VPS13A: variants seen among roughly 807,000 people sequenced by gnomAD.
VPS13A encodes the protein intermembrane lipid transfer protein VPS13A.
In VPS13A, 264 loss-of-function variants were observed where a neutral mutation model predicts 390.9. That is an observed-to-expected ratio of 0.68 (90% CI 0.61 to 0.75). VPS13A has a LOEUF of 0.75. Among genes scored for constraint, VPS13A ranks in the 30% least tolerant of loss-of-function variants. VPS13A has a pLI of 0.00. For synonymous variants in VPS13A, 1,231 were observed against 1,227.1 expected (o/e 1.00, Z -0.07); for missense variants, 3,409 against 3,733.9 (o/e 0.91, Z 2.27).
intron 50 of VPS13A, 88 bp from the exon 51 acceptor site, chr9:77,344,065 A>T: frequency 8.0e-7 from 1 of 1,254,458 alleles, no homozygotes; most frequent in African/African-American, 1.5e-5. Flanking sequence ...TTATAGTTTA[A>T]GTCTATTCTG....
At chr9:77,283,308 A>G (rs1184890462) in intron 29 of VPS13A, 47 bp from the exon 30 acceptor site, 1 of 1,101,188 alleles carries the variant, frequency 9.1e-7, no homozygotes. Context: ...TGAGGTAACT[A>G]CTAAATGTTT....
At chr9:77,299,055 G>T (rs1828180618) in intron 33 of VPS13A, among the ~76,000 whole-genome samples, 1 of 152,152 alleles carries the variant, frequency 6.6e-6, no homozygotes, top group Admixed American at 6.5e-5. Flanking sequence ...GTTTGTCAAA[G>T]ATCAGATGGT....
In VPS13A at chr9:77,340,276, C is replaced by T; in HGVS notation, c.6873C>T (p.Asp2291=). The T allele has an allele frequency of 1.2e-6, 2 of 1,612,744 alleles. No homozygotes were observed. The highest frequency in any genetic ancestry group is 1.7e-6 in the Non-Finnish European group (2 of 1,179,264). ...TTAAATGTAAAGGCCTGAAAATGGA[C>T]TATCAAGTGAGTTCATTCTATGCTT... ...GAVKCKGLKM[D]YQVGVTIDLS... is the part of the protein sequence containing the mutation. Residue 2291 remains aspartate, a synonymous_variant, in exon 49 of 72, where the codon GAC becomes GAT. Transcript: ENST00000360280.
At chr9:77,298,627 G>C (rs1284558826) in intron 33 of VPS13A, among the ~76,000 whole-genome samples, 1 of 152,084 alleles carries the variant, frequency 6.6e-6, no homozygotes, top group Non-Finnish European at 1.5e-5. Flanking sequence ...TGTGACCGAA[G>C]GTAGTGGAAC....
intron 45 of VPS13A, among the ~76,000 whole-genome samples, chr9:77,325,826 A>G (rs538819735): frequency 3.9e-5 from 6 of 152,264 alleles, no homozygotes; most frequent in South Asian, 4.1e-4. Context: ...TTTTGTGTCT[A>G]TGTATGCTAG....
At chr9:77,395,239 G>A (rs1193085795) in intron 68 of VPS13A, among the ~76,000 whole-genome samples, 1 of 152,118 alleles carries the variant, frequency 6.6e-6, no homozygotes. Context: ...AGAGGTCATT[G>A]TAGGGCTGTT....
chr9:77,372,011 A>G (rs1378053575), intron 67 of VPS13A, among the ~76,000 whole-genome samples: 5 of 148,340 alleles, frequency 3.4e-5, no homozygotes, highest in Admixed American at 1.3e-4. Context: ...ATAGTATTCC[A>G]TGGTGTATAT....
intron 42 of VPS13A, 76 bp downstream of exon 42, chr9:77,319,749 T>A (rs1023838312): frequency 1.6e-5 from 13 of 828,294 alleles, no homozygotes; most frequent in Non-Finnish European, 2.0e-5. Context: ...AAGAACAGAT[T>A]TAGGTTCACA....
chr9:77,339,957 C>A, intron 48 of VPS13A, 46 bp downstream of exon 48: 1 of 1,590,128 alleles, frequency 6.3e-7, no homozygotes, highest in South Asian at 1.1e-5. Context: ...AGCTACTTGT[C>A]ACTTTTTAGT....
In VPS13A at chr9:77,358,581, G is replaced by C; in HGVS notation, c.8035+143G>C. On this transcript the variant is annotated intron_variant, in intron 57 of 71. Coordinates refer to ENST00000360280, the MANE Select transcript of VPS13A (RefSeq NM_033305.3). ...AATTAAACTGCTTGAAAAAGGACCA[G>C]CAAGTACTATACACAACTAACTTTG... 3 of 706,148 alleles carry C rather than the reference G, an allele frequency of 4.2e-6. No homozygotes were observed. In the South Asian group the frequency reaches 4.8e-5, roughly 11 times the overall value. 43.7% of individuals were successfully genotyped at this position (706,148 alleles called of 1,614,324 possible).
At chr9:77,322,963 TTTA>T in intron 44 of VPS13A, 101 bp from the exon 45 acceptor site, 1 of 926,894 alleles carries the variant, frequency 1.1e-6, no homozygotes, top group Non-Finnish European at 1.6e-6. Context: ...GTGACTATTA[TTTA>T]TAAGTTTAAG....
intron 6 of VPS13A, among the ~76,000 whole-genome samples, chr9:77,209,922 A>G (rs1291075964): frequency 1.3e-5 from 2 of 152,142 alleles, no homozygotes; most frequent in Non-Finnish European, 2.9e-5. Context: ...TAACCAGATA[A>G]TTATTTGCTT....
In VPS13A at chr9:77,296,761, A is replaced by G. The variant is rs1305333866; in HGVS notation, c.3812+915A>G. On this transcript the variant is annotated intron_variant, in intron 33 of 71. Coordinates refer to ENST00000360280, the MANE Select transcript of VPS13A (RefSeq NM_033305.3). ...ATTACTTCTTCCTTAAGTATTAGGT[A>G]GAATTTACCAGCGAAGCCATCTCGT... is the stretch of plus-strand genomic sequence containing the variant. Among the ~76,000 whole-genome samples the G allele has an allele frequency of 3.9e-5, 6 of 152,210 alleles. No individual in the cohort carries two copies. The East Asian group carries it at 1.2e-3, about 29-fold the overall frequency.
chr9:77,356,916 A>G lies in VPS13A; in HGVS notation c.7806+49A>G, dbSNP rs536594303. 3 of 1,601,058 alleles carry G rather than the reference A, an allele frequency of 1.9e-6. No homozygotes were observed. In the African/African-American group the frequency reaches 4.0e-5, roughly 21 times the overall value. The stretch of plus-strand genomic sequence containing the variant: ...GAAGTTTTAATTTTTTGCCTGTCGT[A>G]GTTTGGTGAATCACTAGTGAAATTT... On this transcript the variant is annotated intron_variant, in intron 55 of 71. Coordinates refer to ENST00000360280, the MANE Select transcript of VPS13A (RefSeq NM_033305.3).
intron 33 of VPS13A, among the ~76,000 whole-genome samples, chr9:77,301,426 G>A (rs1828345591): frequency 6.6e-6 from 1 of 152,200 alleles, no homozygotes; most frequent in Non-Finnish European, 1.5e-5. Flanking sequence ...AGCGGAGACT[G>A]CAAGCATGCA....
chr9:77,389,788 G>A (rs1332020633), intron 68 of VPS13A: 1 of 152,090 alleles, frequency 6.6e-6, no homozygotes, highest in South Asian at 2.1e-4. Flanking sequence ...CAGCTGAGTT[G>A]TTGTCCTGTG....
intron 68 of VPS13A, among the ~76,000 whole-genome samples, chr9:77,394,282 G>T (rs868538115): frequency 6.6e-6 from 1 of 151,110 alleles, no homozygotes. Context: ...GCCCAAGCTA[G>T]TCTTGAACTC....
At chr9:77,375,539 T>C (rs556084182) in intron 67 of VPS13A, among the ~76,000 whole-genome samples, 226 of 152,266 alleles carry the variant, frequency 1.5e-3, no homozygotes, top group African/African-American at 5.2e-3. Context: ...GGTAATTAGG[T>C]AATGATAAAA....
intron 60 of VPS13A, 126 bp downstream of exon 60, chr9:77,365,699 A>T (rs1401432904): frequency 1.6e-6 from 1 of 607,674 alleles, no homozygotes; most frequent in Non-Finnish European, 2.9e-6. Flanking sequence ...GTAACAAAGG[A>T]ATTACCCTTT....
Sources: allele counts gnomAD v4.1 joint callset (sites outside exome capture counted in the v4.1 genomes callset), GRCh38; gene constraint gnomAD v4.1.1; transcripts MANE v1.5; gene names NCBI Gene and HGNC (gene_info 2026-07-23, HGNC 2026-07-21).